The following TRIM37 variants were observed in gnomAD, a reference collection of about 807,000 sequenced individuals.
TRIM37 encodes the protein E3 ubiquitin-protein ligase TRIM37.
In TRIM37, 80 loss-of-function variants were observed where a neutral mutation model predicts 129.8. That is an observed-to-expected ratio of 0.62 (90% CI 0.51 to 0.74). The LOEUF is 0.74. Ranked by LOEUF, TRIM37 falls within the 30% of genes least tolerant of loss-of-function variation. The pLI is 0.00. For synonymous variants in TRIM37, 389 were observed against 387.1 expected (o/e 1.00, Z -0.06); for missense variants, 1,054 against 1,176.5 (o/e 0.90, Z 1.52).
chr17:59,028,048 C>G (rs1199163419), intron 19 of TRIM37, among the ~76,000 whole-genome samples: 1 of 152,208 alleles, frequency 6.6e-6, no homozygotes, highest in East Asian at 1.9e-4. Context: ...TAGAACATGT[C>G]TCATCTGCTC....
At position 58,999,301 on chromosome 17, in the gene TRIM37, A is replaced by G; in HGVS notation, c.*76T>C. The G allele has an allele frequency of 6.2e-7, 1 of 1,611,018 alleles. No individual in the cohort carries two copies. Among genetic ancestry groups the G allele is most frequent in the South Asian group, 1.1e-5 (1 of 90,524 alleles). On this transcript the variant is annotated 3_prime_UTR_variant, in exon 24 of 24. Transcript: ENST00000262294. ...AAGACCAAATCTGATTATCTGACTG[A>G]TGACAAATTTGAGCACCAACTACAG... is the stretch of plus-strand genomic sequence containing the variant.
At position 58,999,334 on chromosome 17, in the gene TRIM37, C is replaced by A; in HGVS notation, c.*43G>T. On this transcript the variant is annotated 3_prime_UTR_variant, in exon 24 of 24. Coordinates refer to ENST00000262294, the MANE Select transcript of TRIM37 (RefSeq NM_015294.6). ...TTTGAGCACCAACTACAGCAAAATT[C>A]AGGGTCAAGGTAGCTTGCAAGTCAG... is the stretch of plus-strand genomic sequence containing the variant. 2 of 1,613,460 alleles carry A rather than the reference C, an allele frequency of 1.2e-6. No homozygotes were observed. The highest frequency in any genetic ancestry group is 2.2e-5 in the South Asian group (2 of 91,012).
At chr17:59,076,480 G>A (rs2042824341) in intron 7 of TRIM37, among the ~76,000 whole-genome samples, 1 of 152,234 alleles carries the variant, frequency 6.6e-6, no homozygotes, top group Admixed American at 6.5e-5. Context: ...GGTCAAGGCT[G>A]CATGCAGTCA....
intron 18 of TRIM37, among the ~76,000 whole-genome samples, chr17:59,029,937 T>C (rs1269114027): frequency 6.6e-6 from 1 of 152,232 alleles, no homozygotes; most frequent in East Asian, 1.9e-4. Flanking sequence ...TTTTCTCCTT[T>C]CTAAAAGCTC....
At chr17:59,047,078 G>A (rs1023038585) in intron 16 of TRIM37, among the ~76,000 whole-genome samples, 3 of 151,576 alleles carry the variant, frequency 2.0e-5, no homozygotes, top group Non-Finnish European at 2.9e-5. Flanking sequence ...GGCGTAATCC[G>A]GAAGGTGGAG....
Position 58,998,270 on chromosome 17 carries a change from GCAT to G in TRIM37, c.*1104_*1106del. 10 of 985,428 alleles carry G rather than the reference GCAT, an allele frequency of 1.0e-5. No individual in the cohort carries two copies. The highest frequency in any genetic ancestry group is 1.2e-5 in the Non-Finnish European group (10 of 829,924). The allele number at this position is 985,428 out of a possible 1,614,324, so 61.0% of individuals were successfully genotyped here. ...GAACAAAAGTAAACTATGAGTCACA[GCAT>G]TCAGCAAGACATCAGACACGGAAGA... On this transcript the variant is annotated 3_prime_UTR_variant, in exon 24 of 24. Transcript: ENST00000262294.
At chr17:59,094,937 C>A (rs112160739) in intron 2 of TRIM37, among the ~76,000 whole-genome samples, 1 of 152,122 alleles carries the variant, frequency 6.6e-6, no homozygotes, top group African/African-American at 2.4e-5. Context: ...ATGGACCAGT[C>A]GGGTGTGGTG....
At chr17:59,018,316 C>T (rs2036191312) in intron 19 of TRIM37, among the ~76,000 whole-genome samples, 2 of 151,860 alleles carry the variant, frequency 1.3e-5, no homozygotes, top group Admixed American at 1.3e-4. Flanking sequence ...AAATAAATCT[C>T]TTTTAAAAAT....
intron 12 of TRIM37, among the ~76,000 whole-genome samples, chr17:59,060,599 G>A (rs1156379100): frequency 6.6e-6 from 1 of 152,184 alleles, no homozygotes; most frequent in Non-Finnish European, 1.5e-5. Flanking sequence ...GTACATTTGT[G>A]GTTCTCAGGG....
the TRIM37 span, among the ~76,000 whole-genome samples, chr17:58,976,625 G>A: frequency 6.6e-6 from 1 of 152,180 alleles, no homozygotes; most frequent in South Asian, 2.1e-4. Flanking sequence ...ATGGAGAGAA[G>A]AGGTTGAAGA....
chr17:59,060,160 T>C (rs2041353254), intron 12 of TRIM37, among the ~76,000 whole-genome samples: 1 of 152,180 alleles, frequency 6.6e-6, no homozygotes, highest in Admixed American at 6.5e-5. Flanking sequence ...CTCAACTAAG[T>C]CTGCCAGATT....
At chr17:59,036,447 G>T (rs555475552) in intron 17 of TRIM37, among the ~76,000 whole-genome samples, 620 of 140,674 alleles carry the variant, frequency 4.4e-3, no homozygotes, top group African/African-American at 0.011. Context: ...ATTTGCTGGG[G>T]GTGTGTGTGT....
Position 59,051,335 on chromosome 17 carries a change from A to T in TRIM37, c.1200-7T>A. 6.3e-7 allele frequency: 1 copy of T among 1,585,612 alleles called. No individual in the cohort carries two copies. Among genetic ancestry groups the T allele is most frequent in the Non-Finnish European group, 8.7e-7 (1 of 1,154,098 alleles). ...TGGTGAACGTACCTGAAACCTTAAA[A>T]GAATTGTGCCACATTAAAAAAAAAA... On this transcript the variant is annotated splice_polypyrimidine_tract_variant and splice_region_variant and intron_variant, in intron 13 of 23. Coordinates refer to ENST00000262294, the MANE Select transcript of TRIM37 (RefSeq NM_015294.6).
intron 12 of TRIM37, among the ~76,000 whole-genome samples, chr17:59,059,890 C>T (rs113931114): frequency 2.6e-5 from 4 of 152,248 alleles, no homozygotes; most frequent in Admixed American, 6.5e-5. Context: ...ATTTCTCCAC[C>T]GTGGCAGGTT....
At chr17:59,029,125 A>G (rs1426081651) in intron 18 of TRIM37, among the ~76,000 whole-genome samples, 2 of 152,212 alleles carry the variant, frequency 1.3e-5, no homozygotes, top group African/African-American at 2.4e-5. Context: ...ATATAACATT[A>G]TATTAAAAAT....
chr17:58,989,836 T>TA (rs996911282), intron 24 of TRIM37, among the ~76,000 whole-genome samples: 2 of 152,116 alleles, frequency 1.3e-5, no homozygotes, highest in Non-Finnish European at 2.9e-5. Flanking sequence ...GATAATGGCT[T>TA]AGAGTTTTCC....
chr17:59,010,158 T>C lies in TRIM37; in HGVS notation c.2695+2170A>G, dbSNP rs529132455. 2.6e-5 allele frequency among the ~76,000 whole-genome samples: 4 copies of C among 152,354 alleles called. No homozygotes were observed. In the South Asian group the frequency reaches 8.3e-4, roughly 32 times the overall value. ...GTGATTCTCAAGGAGTGGTCACCTCTGGTTGAGAATTATTTAGTTCAACTA... is the reference window on the plus strand; with the variant it reads ...GTGATTCTCAAGGAGTGGTCACCTCCGGTTGAGAATTATTTAGTTCAACTA... On this transcript the variant is annotated intron_variant, in intron 22 of 23. Coordinates refer to ENST00000262294, the MANE Select transcript of TRIM37 (RefSeq NM_015294.6).
chr17:59,081,964 A>AATAATAATAAT (rs1555688978), intron 5 of TRIM37, among the ~76,000 whole-genome samples: 3 of 87,226 alleles, frequency 3.4e-5, no homozygotes, highest in Admixed American at 2.4e-4. Context: ...AAAAAAAAAA[A>AATAATAATAAT]AATAATAATA....
rs1185038735 is a variant in TRIM37, at chr17:59,017,328, C to T, written c.2354G>A (p.Arg785His). The change falls in exon 20 of 24, where the codon CGT (arginine) becomes CAT (histidine). Residue 785 changes from arginine (R) to histidine (H), a missense_variant. Arg to His is a conservative substitution (Grantham distance 29). Coordinates refer to ENST00000262294, the MANE Select transcript of TRIM37 (RefSeq NM_015294.6). ...CAGAGTCTGACAGTCTCCCTTTGAA[C>T]GACTATTTTCTCCAGGGTCCACTGC... is the stretch of plus-strand genomic sequence containing the variant. Reference protein sequence around the residue: ...RRAVDPGENSRSKGDCQTLSE... With the variant: ...RRAVDPGENSHSKGDCQTLSE... The T allele has an allele frequency of 6.2e-7, 1 of 1,614,088 alleles. No individual in the cohort carries two copies. The highest frequency in any genetic ancestry group is 8.5e-7 in the Non-Finnish European group (1 of 1,179,992).
Sources: gnomAD v4.1 joint callset for allele counts (sites outside exome capture counted in the v4.1 genomes callset) on GRCh38, gnomAD v4.1.1 for gene constraint, MANE v1.5 for transcripts, NCBI Gene and HGNC (gene_info 2026-07-23, HGNC 2026-07-21) for gene names.